The following UBE3B variants were observed in gnomAD, a reference collection of about 807,000 sequenced individuals.
UBE3B encodes the protein ubiquitin-protein ligase E3B.
In UBE3B, 80 loss-of-function variants were observed where a neutral mutation model predicts 132.3. The observed-to-expected ratio is 0.60, with a 90% CI of 0.50 to 0.73. UBE3B has a LOEUF of 0.73. UBE3B is among the 30% of genes least tolerant of loss of function. The pLI, the probability that UBE3B is intolerant of heterozygous loss-of-function variation, is 0.00. For missense variants in UBE3B, 1,196 were observed against 1,362.5 expected (o/e 0.88, Z 1.92); for synonymous variants, 487 against 520.4 (o/e 0.94, Z 0.87).
At chr12:109,481,171 A>T (rs917226058) in intron 1 of UBE3B, among the ~76,000 whole-genome samples, 4 of 151,712 alleles carry the variant, frequency 2.6e-5, no homozygotes, top group Admixed American at 2.6e-4. Flanking sequence ...CCCAACTGAG[A>T]TAGGGTATGG....
chr12:109,527,701 T>G (rs982534016), intron 24 of UBE3B, among the ~76,000 whole-genome samples: 8 of 151,866 alleles, frequency 5.3e-5, no homozygotes, highest in African/African-American at 1.9e-4. Context: ...TGGGAGGGAC[T>G]GCCTGCAAGA....
intron 9 of UBE3B, among the ~76,000 whole-genome samples, chr12:109,496,362 G>A (rs1480219757): frequency 1.3e-5 from 2 of 152,172 alleles, no homozygotes; most frequent in African/African-American, 2.4e-5. Context: ...ACAAGTTTTT[G>A]TATAGACATA....
chr12:109,482,684 G>A (rs887698197), intron 2 of UBE3B, among the ~76,000 whole-genome samples: 5 of 149,774 alleles, frequency 3.3e-5, no homozygotes, highest in South Asian at 4.2e-4. Context: ...GGGAGCCTCC[G>A]GGGGTCAGTG....
At position 109,488,622 on chromosome 12, in the gene UBE3B, T is replaced by A; in HGVS notation, c.498T>A (p.Leu166=). The A allele has an allele frequency of 6.2e-7, 1 of 1,614,200 alleles. No homozygotes were observed. Among genetic ancestry groups the A allele is most frequent in the Non-Finnish European group, 8.5e-7 (1 of 1,180,020 alleles). Reference sequence around the variant, plus strand: ...TCATCACCCTGTACCTCACGATGCTTGTCACCTTCACAGACACTTCAACGT... The same window carrying A: ...TCATCACCCTGTACCTCACGATGCTAGTCACCTTCACAGACACTTCAACGT... ...SRLITLYLTM[L]VTFTDTSTWK... is the part of the protein sequence containing the mutation. Residue 166 remains leucine (L), a synonymous_variant, in exon 7 of 28, where the codon CTT becomes CTA. Transcript: ENST00000342494.
intron 4 of UBE3B, among the ~76,000 whole-genome samples, chr12:109,484,368 A>G (rs1462451413): frequency 6.6e-6 from 1 of 152,210 alleles, no homozygotes; most frequent in African/African-American, 2.4e-5. Flanking sequence ...GGGAGCAGCT[A>G]CTACACACCT....
chr12:109,510,115 G>A (rs969951266), intron 16 of UBE3B, among the ~76,000 whole-genome samples: 12 of 152,152 alleles, frequency 7.9e-5, no homozygotes, highest in African/African-American at 2.9e-4. Flanking sequence ...AAGGCCCTTC[G>A]GATGACACAC....
Position 109,503,061 on chromosome 12 carries a change from C to T in UBE3B, c.1321C>T (p.Arg441Trp), listed in dbSNP as rs1235759991. The T allele has an allele frequency of 6.2e-7, 1 of 1,614,122 alleles. No individual in the cohort carries two copies. The highest frequency in any genetic ancestry group is 8.5e-7 in the Non-Finnish European group (1 of 1,180,022). ...KRAFQKSASV[R>W]NILRPVGGKR... ...TGCTTTTCAAAAGTCGGCATCAGTCCGGAATATTCTCAGGCCTGTCGGGGG... is the reference window on the plus strand; with the variant it reads ...TGCTTTTCAAAAGTCGGCATCAGTCTGGAATATTCTCAGGCCTGTCGGGGG... The change falls in exon 14 of 28, where the codon CGG becomes TGG. Residue 441 changes from arginine (R) to tryptophan (W), a missense_variant. Physicochemically the swap from Arg to Trp is moderately radical, Grantham distance 101 (BLOSUM62 -3). Transcript: ENST00000342494.
Position 109,503,111 on chromosome 12 carries a change from C to T in UBE3B, c.1371C>T (p.Val457=). The change falls in exon 14 of 28, where the codon GTC becomes GTT. Residue 457 remains valine (V), a synonymous_variant. Transcript: ENST00000342494. The part of the protein sequence containing the change: ...VGGKRVDSAE[V]QKVCNICVLY... ...GTAAACGGGTCGACTCTGCAGAAGT[C>T]CAGAAGGTTTGCAACATCTGTGTCC... 1 of 1,614,188 alleles carries T rather than the reference C, an allele frequency of 6.2e-7. No homozygotes were observed. The highest frequency in any genetic ancestry group is 8.5e-7 in the Non-Finnish European group (1 of 1,180,030).
intron 26 of UBE3B, among the ~76,000 whole-genome samples, chr12:109,533,093 G>C (rs865885616): frequency 5.3e-5 from 8 of 152,250 alleles, no homozygotes; most frequent in Middle Eastern, 6.8e-3. Context: ...CTCTGTGGGA[G>C]GGTGTCAGCT....
chr12:109,526,154 G>C (rs1464336882), intron 23 of UBE3B, among the ~76,000 whole-genome samples: 1 of 152,064 alleles, frequency 6.6e-6, no homozygotes. Flanking sequence ...GATTGGGTGA[G>C]AAAAAAACCT....
chr12:109,508,800 A>C, intron 15 of UBE3B: 1 of 928,704 alleles, frequency 1.1e-6, no homozygotes, highest in Non-Finnish European at 1.3e-6. Flanking sequence ...TAAATGGCTC[A>C]TTTATTCATA....
chr12:109,507,622 G>T lies in UBE3B; in HGVS notation c.1509G>T (p.Gly503=). The T allele has an allele frequency of 6.2e-7, 1 of 1,614,116 alleles. No individual in the cohort carries two copies. Among genetic ancestry groups the T allele is most frequent in the Non-Finnish European group, 8.5e-7 (1 of 1,180,010 alleles). The change falls in exon 15 of 28, where the codon GGG becomes GGT. Residue 503 remains glycine, a synonymous_variant. Transcript: ENST00000342494. The part of the protein sequence containing the change: ...PKLWAFICEL[G]PHGGLKLFLE... ...TGTGGGCATTTATCTGTGAGCTCGG[G>T]CCCCACGGAGGGTTAAAGCTCTTCT...
At chr12:109,530,757 G>T in intron 26 of UBE3B, 99 bp downstream of exon 26, 1 of 1,164,222 alleles carries the variant, frequency 8.6e-7, no homozygotes, top group Non-Finnish European at 1.2e-6. Flanking sequence ...AAATTATCAG[G>T]AGGACCTCAG....
chr12:109,514,029 T>C lies in UBE3B; in HGVS notation c.1956+2726T>C, dbSNP rs577521597. On this transcript the variant is annotated intron_variant, in intron 18 of 27. Coordinates refer to ENST00000342494, the MANE Select transcript of UBE3B (RefSeq NM_130466.4). Reference sequence around the variant, plus strand: ...CTGCCCTAAATGTTGAACCTCTCCCTTGTTCTCGATTTCACTATAATGCCT... The same window carrying C: ...CTGCCCTAAATGTTGAACCTCTCCCCTGTTCTCGATTTCACTATAATGCCT... Among the ~76,000 whole-genome samples the C allele has an allele frequency of 9.8e-5, 15 of 152,358 alleles. No homozygotes were observed. In the East Asian group the frequency reaches 2.7e-3, roughly 27 times the overall value.
In UBE3B at chr12:109,535,679, C is replaced by T. The variant is rs1163122960; in HGVS notation, c.*897C>T. The T allele has an allele frequency of 6.6e-6, 1 of 152,220 alleles. No individual in the cohort carries two copies. Among genetic ancestry groups the T allele is most frequent in the Non-Finnish European group, 1.5e-5 (1 of 68,052 alleles). 9.4% of individuals were successfully genotyped at this position (152,220 alleles called of 1,614,324 possible). Reference sequence around the variant, plus strand: ...ACAAACACTAACCTAAGGTACACATCCCATCTGGGCGGTGGCTTCACTCCT... The same window carrying T: ...ACAAACACTAACCTAAGGTACACATTCCATCTGGGCGGTGGCTTCACTCCT... On this transcript the variant is annotated 3_prime_UTR_variant, in exon 28 of 28. Coordinates refer to ENST00000342494, the MANE Select transcript of UBE3B (RefSeq NM_130466.4).
chr12:109,497,716 C>T (rs368149678), intron 9 of UBE3B, 102 bp from the exon 10 acceptor site: 62 of 1,192,550 alleles, frequency 5.2e-5, no homozygotes, highest in African/African-American at 3.9e-4. Context: ...AGAAATCCCA[C>T]GCAGAATAAT....
intron 24 of UBE3B, among the ~76,000 whole-genome samples, 157 bp from the exon 25 acceptor site, chr12:109,529,733 C>T (rs1882755105): frequency 6.6e-6 from 1 of 152,176 alleles, no homozygotes; most frequent in Non-Finnish European, 1.5e-5. Context: ...GTGCTGTCGT[C>T]ATTGTCGCCA....
intron 21 of UBE3B, among the ~76,000 whole-genome samples, chr12:109,523,456 C>CAATGCCTGGGG: frequency 1.3e-5 from 2 of 152,338 alleles, no homozygotes; most frequent in East Asian, 3.9e-4. Context: ...TGCTTCCGTG[C>CAATGCCTGGGG]CCTCCATCCC....
downstream of UBE3B, among the ~76,000 whole-genome samples, chr12:109,541,073 C>G (rs754271889): frequency 6.6e-6 from 1 of 152,238 alleles, no homozygotes; most frequent in Non-Finnish European, 1.5e-5. Context: ...CCTTGCGCTC[C>G]TGGGGCCTCT....
Sources: gnomAD v4.1 joint callset for allele counts (sites outside exome capture counted in the v4.1 genomes callset) on GRCh38, gnomAD v4.1.1 for gene constraint, MANE v1.5 for transcripts, NCBI Gene and HGNC (gene_info 2026-07-23, HGNC 2026-07-21) for gene names.